Variants in TBCD observed in about 807,000 individuals in gnomAD.
The protein encoded by TBCD is tubulin-specific chaperone D.
TBCD carries 105 observed loss-of-function variants against 169.3 expected under a neutral mutation model. The observed-to-expected ratio is 0.62, with a 90% CI of 0.53 to 0.73. The LOEUF (loss-of-function observed/expected upper bound fraction) is 0.73, where lower values mean the gene tolerates loss of function less well. Ranked by LOEUF, TBCD falls within the 30% of genes least tolerant of loss-of-function variation. The probability of loss-of-function intolerance (pLI) is 0.00; values close to 1 mark genes in which losing one functional copy is unlikely to be tolerated. For synonymous variants in TBCD, 700 were observed against 643.9 expected (o/e 1.09, Z -1.32); for missense variants, 1,444 against 1,600.1 (o/e 0.90, Z 1.66).
chr17:82,754,812 A>G (rs555252788), intron 1 of TBCD, among the ~76,000 whole-genome samples: 1 of 152,310 alleles, frequency 6.6e-6, no homozygotes, highest in South Asian at 2.1e-4. Context: ...GGACAGAAGC[A>G]GTTTCAGCTG....
chr17:82,823,237 G>A (rs997921), intron 13 of TBCD, among the ~76,000 whole-genome samples: 16,420 of 152,240 alleles, frequency 0.11, 1,195 homozygotes, highest in South Asian at 0.29. Context: ...GCTGTGGCCT[G>A]GCCTGACCCT....
chr17:82,758,384 G>GGAAAAAAAAAAAAAAAAAAA (rs1555672563), intron 2 of TBCD, among the ~76,000 whole-genome samples: 5 of 24,996 alleles, frequency 2.0e-4, no homozygotes, highest in Non-Finnish European at 3.5e-4. Flanking sequence ...AAACGTCTCG[G>GGAAAAAAAAAAAAAAAAAAA]AAAAAAAAAA....
chr17:82,814,707 GT>G (rs2051723915), intron 12 of TBCD, 132 bp from the exon 13 acceptor site: 3 of 828,784 alleles, frequency 3.6e-6, no homozygotes, highest in Non-Finnish European at 5.8e-6. Context: ...TTAGGAATGG[GT>G]TTTAGTGAGC....
rs959265016 is a variant in TBCD, at chr17:82,874,828, A to G, written c.1475+4448A>G. Among the ~76,000 whole-genome samples, 2 of 152,184 alleles carry G rather than the reference A, an allele frequency of 1.3e-5. No individual in the cohort carries two copies. Among genetic ancestry groups the G allele is most frequent in the Non-Finnish European group, 2.9e-5 (2 of 68,026 alleles). On this transcript the variant is annotated intron_variant, in intron 14 of 38. Coordinates refer to ENST00000355528, the MANE Select transcript of TBCD (RefSeq NM_005993.5). This position sits in a 1 kb window ranked among gnomAD's most constrained non-coding sequence, Gnocchi z 5.0. The stretch of plus-strand genomic sequence containing the variant: ...CCCTTGGTTTGTCATAGGTGACCAC[A>G]TTTTAATTACCAGCTTTTATGCCCG...
At chr17:82,866,382 TC>T (rs1437299397) in intron 13 of TBCD, among the ~76,000 whole-genome samples, 4 of 152,190 alleles carry the variant, frequency 2.6e-5, no homozygotes, top group African/African-American at 9.7e-5. Context: ...AGGAAATTGA[TC>T]ATCTCACACC....
At chr17:82,791,152 C>A (rs966251356) in intron 7 of TBCD, among the ~76,000 whole-genome samples, 2 of 141,670 alleles carry the variant, frequency 1.4e-5, no homozygotes, top group African/African-American at 5.4e-5. Context: ...AGTGCAGTGG[C>A]GCGATCTCGG....
Position 82,881,737 on chromosome 17 carries a change from T to C in TBCD, c.1476-2408T>C, listed in dbSNP as rs551279969. On this transcript the variant is annotated intron_variant, in intron 14 of 38. Transcript: ENST00000355528. ...ATGCACCTGGTGGTTTGTATTATGT[T>C]GTTTCTGTTTTATTTAATTTCATTT... 2.0e-5 allele frequency among the ~76,000 whole-genome samples: 3 copies of C among 152,356 alleles called. No individual in the cohort carries two copies. The South Asian group carries it at 6.2e-4, about 32-fold the overall frequency.
chr17:82,871,687 T>C (rs989630388), intron 14 of TBCD, among the ~76,000 whole-genome samples: 2 of 152,196 alleles, frequency 1.3e-5, no homozygotes, highest in African/African-American at 4.8e-5. Context: ...CAGATGCCCC[T>C]GGTGGCAGGC....
In TBCD at chr17:82,889,802, G is replaced by GCCACACCACATC; in HGVS notation, c.1563+105_1563+106insCCACACCACATC. 7.4e-7 allele frequency: 1 copy of GCCACACCACATC among 1,348,802 alleles called. No individual in the cohort carries two copies. Among genetic ancestry groups the GCCACACCACATC allele is most frequent in the Non-Finnish European group, 1.0e-6 (1 of 966,282 alleles). 83.6% of individuals were successfully genotyped at this position (1,348,802 alleles called of 1,614,324 possible). A position where few individuals can be genotyped will look rare whatever the true frequency, so the allele number is the denominator to read the frequency against. ...GTGTCTTCTCGCACTGTGAGATGTG[G>GCCACACCACATC]TGTGGCTACATCAATGCCAGGGTCA... is the stretch of plus-strand genomic sequence containing the variant. On this transcript the variant is annotated intron_variant, in intron 16 of 38. Coordinates refer to ENST00000355528, the MANE Select transcript of TBCD (RefSeq NM_005993.5). The surrounding 1 kb of genome is among the most constrained non-coding windows in gnomAD (Gnocchi z 5.3).
In TBCD at chr17:82,833,626, G is replaced by A. The variant is rs750287051; in HGVS notation, c.1318+18692G>A. On this transcript the variant is annotated intron_variant, in intron 13 of 38. Transcript: ENST00000355528. This position sits in a 1 kb window ranked among gnomAD's most constrained non-coding sequence, Gnocchi z 4.7. ...CTGGCCAGGAGGCATGGCCAGCAGCGCCTGCCCGTCCAGATGCACCACCAA... is the reference window on the plus strand; with the variant it reads ...CTGGCCAGGAGGCATGGCCAGCAGCACCTGCCCGTCCAGATGCACCACCAA... 8.5e-5 allele frequency among the ~76,000 whole-genome samples: 13 copies of A among 152,160 alleles called. No individual in the cohort carries two copies. Among genetic ancestry groups the A allele is most frequent in the Non-Finnish European group, 1.2e-4 (8 of 68,030 alleles).
chr17:82,777,886 G>A (rs56140058), intron 6 of TBCD, among the ~76,000 whole-genome samples: 2,419 of 152,304 alleles, frequency 0.016, 56 homozygotes, highest in African/African-American at 0.055. Context: ...AGTAGCGGGT[G>A]TTTTTCCTTG....
intron 22 of TBCD, 118 bp downstream of exon 22, chr17:82,909,425 C>T (rs1040283259): frequency 3.8e-5 from 28 of 730,274 alleles, no homozygotes; most frequent in East Asian, 2.5e-4. Context: ...TTGGGTTGAG[C>T]GGGTGGGTGT....
At chr17:82,756,109 CT>C (rs1047129352) in intron 1 of TBCD, 55 bp from the exon 2 acceptor site, 102 of 1,491,650 alleles carry the variant, frequency 6.8e-5, no homozygotes, top group Non-Finnish European at 8.4e-5. Context: ...GTTTCTGAGG[CT>C]CATGGGTATG....
intron 17 of TBCD, among the ~76,000 whole-genome samples, chr17:82,897,394 T>C (rs751180974): frequency 3.3e-5 from 5 of 151,780 alleles, no homozygotes; most frequent in Non-Finnish European, 7.4e-5. Context: ...GGCGCACCCC[T>C]GTAATCCCAG....
intron 13 of TBCD, chr17:82,830,889 C>T (rs767340312): frequency 6.2e-7 from 1 of 1,612,686 alleles, no homozygotes; most frequent in Non-Finnish European, 8.5e-7. Context: ...TAGAAGAAGC[C>T]AAGAAAAAGC....
At chr17:82,766,573 C>G (rs1961073538) in intron 4 of TBCD, among the ~76,000 whole-genome samples, 1 of 152,032 alleles carries the variant, frequency 6.6e-6, no homozygotes, top group Admixed American at 6.6e-5. Flanking sequence ...TTTAAAATAG[C>G]CCCTTTATAA....
At chr17:82,842,385 C>T (rs2054591604) in intron 13 of TBCD, among the ~76,000 whole-genome samples, 1 of 152,208 alleles carries the variant, frequency 6.6e-6, no homozygotes, top group Non-Finnish European at 1.5e-5. Context: ...TGTGCCCTCT[C>T]TCCCCCTCTC....
Position 82,831,488 on chromosome 17 carries a change from T to C in TBCD, c.1318+16554T>C. ...TAGGAGGAAAATGCAGACTCTGGCC[T>C]GTAAAATCCGTAAGGAATCGGCAGG... On this transcript the variant is annotated intron_variant, in intron 13 of 38. Coordinates refer to ENST00000355528, the MANE Select transcript of TBCD (RefSeq NM_005993.5). This position sits in a 1 kb window ranked among gnomAD's most constrained non-coding sequence, Gnocchi z 4.6. 1 of 1,614,150 alleles carries C rather than the reference T, an allele frequency of 6.2e-7. No individual in the cohort carries two copies. Among genetic ancestry groups the C allele is most frequent in the Non-Finnish European group, 8.5e-7 (1 of 1,180,040 alleles).
chr17:82,844,618 C>T (rs1480198939), intron 13 of TBCD, among the ~76,000 whole-genome samples: 1 of 152,112 alleles, frequency 6.6e-6, no homozygotes, highest in African/African-American at 2.4e-5. Context: ...CTTCCAGGCT[C>T]CTCCGTGGTC....
Sources: gnomAD v4.1 joint callset for allele counts (sites outside exome capture counted in the v4.1 genomes callset) on GRCh38, gnomAD v4.1.1 for gene constraint, Gnocchi (gnomAD v3.1) non-coding constraint, MANE v1.5 for transcripts, NCBI Gene and HGNC (gene_info 2026-07-23, HGNC 2026-07-21) for gene names.